PIGN: variants seen among roughly 807,000 people sequenced by gnomAD.
PIGN encodes the protein GPI ethanolamine phosphate transferase 1.
A neutral mutation model predicts 125.4 loss-of-function variants in PIGN; 117 were observed. The observed-to-expected ratio is 0.93, with a 90% CI of 0.80 to 1.09. The LOEUF is 1.09. PIGN is among the 50% of genes least tolerant of loss of function. The pLI is 0.00. For missense variants in PIGN, 1,075 were observed against 1,094.9 expected, an observed-to-expected ratio of 0.98 and a Z score of 0.26; for synonymous variants, 392 against 377.8, an observed-to-expected ratio of 1.04 and a Z score of -0.44.
intron 1 of PIGN, among the ~76,000 whole-genome samples, chr18:62,177,150 G>A (rs947418402): frequency 6.6e-6 from 1 of 152,066 alleles, no homozygotes; most frequent in Non-Finnish European, 1.5e-5. Flanking sequence ...ATATTAAAAA[G>A]CTTATGAATT....
chr18:62,033,447 G>C (rs576150682), intron 23 of PIGN, among the ~76,000 whole-genome samples: 313 of 152,284 alleles, frequency 2.1e-3, no homozygotes, highest in African/African-American at 7.2e-3. Context: ...TTTGATAAAC[G>C]TGACTGATAG....
intron 14 of PIGN, among the ~76,000 whole-genome samples, chr18:62,129,023 T>C (rs981811569): frequency 2.0e-5 from 3 of 152,120 alleles, no homozygotes; most frequent in Non-Finnish European, 2.9e-5. Context: ...TGGAAAGCAC[T>C]TTCTATTAGC....
At chr18:62,133,865 A>T (rs968658326) in intron 14 of PIGN, among the ~76,000 whole-genome samples, 33 of 152,244 alleles carry the variant, frequency 2.2e-4, no homozygotes, top group African/African-American at 7.9e-4. Context: ...GGGCATAATA[A>T]CTCTTTTTCA....
intron 1 of PIGN, among the ~76,000 whole-genome samples, chr18:62,165,856 A>C (rs1211924251): frequency 1.3e-5 from 2 of 152,198 alleles, no homozygotes; most frequent in Admixed American, 1.3e-4. Flanking sequence ...GAGAAGTTTA[A>C]ACAGTCGTGT....
At chr18:62,040,430 C>G (rs1388081593), downstream of PIGN, among the ~76,000 whole-genome samples, 1 of 152,152 alleles carries the variant, frequency 6.6e-6, no homozygotes, top group East Asian at 1.9e-4. Flanking sequence ...GGGTATTTTG[C>G]CAAATGTTCC....
Position 62,090,540 on chromosome 18 carries a change from A to T in PIGN, c.2219T>A (p.Met740Lys). The T allele has an allele frequency of 6.2e-7, 1 of 1,611,368 alleles. No individual in the cohort carries two copies. The highest frequency in any genetic ancestry group is 2.2e-5 in the East Asian group (1 of 44,648). Reference sequence around the variant, plus strand: ...TTGTTCTATGTTTATCCAGACAAACATCAAACAAGACAACACTAGTGGAAA... The same window carrying T: ...TTGTTCTATGTTTATCCAGACAAACTTCAAACAAGACAACACTAGTGGAAA... ...ALFPLVLSCL[M>K]FVWINIEQET... Residue 740 changes from methionine (M) to lysine (K), a missense_variant, in exon 24 of 31, where the codon ATG becomes AAG. Around this residue, in one of 3 missense-constraint regions of PIGN, gnomAD observed 915 missense variants for 908.7 expected, o/e 1.01. Transcript: ENST00000640252.
chr18:62,034,891 T>G (rs780641173), intron 23 of PIGN, among the ~76,000 whole-genome samples: 1 of 152,086 alleles, frequency 6.6e-6, no homozygotes, highest in Non-Finnish European at 1.5e-5. Context: ...GGTTTTGAAA[T>G]GTGAGGACAT....
At chr18:62,072,398 C>A in intron 30 of PIGN, 1 of 251,848 alleles carries the variant, frequency 4.0e-6, no homozygotes, top group East Asian at 7.3e-5. Flanking sequence ...AAATCTTTTA[C>A]ACTGAATTTT....
chr18:62,170,535 C>T (rs752050067), intron 1 of PIGN, among the ~76,000 whole-genome samples: 2 of 152,156 alleles, frequency 1.3e-5, no homozygotes, highest in African/African-American at 2.4e-5. Flanking sequence ...TGTGTTCTGA[C>T]GGTTCCACCA....
chr18:62,070,822 G>T (rs755609600), intron 30 of PIGN, among the ~76,000 whole-genome samples: 29 of 150,676 alleles, frequency 1.9e-4, no homozygotes, highest in Non-Finnish European at 3.2e-4. Flanking sequence ...ATTTTTTTTT[G>T]ATATGGGATA....
At chr18:62,025,750 A>T (rs981628340) in intron 23 of PIGN, among the ~76,000 whole-genome samples, 1 of 152,120 alleles carries the variant, frequency 6.6e-6, no homozygotes, top group African/African-American at 2.4e-5. Context: ...AAGTACCCAT[A>T]TTCACTCAGT....
intron 22 of PIGN, among the ~76,000 whole-genome samples, chr18:62,099,547 A>C (rs2034354070): frequency 6.6e-6 from 1 of 152,120 alleles, no homozygotes; most frequent in Middle Eastern, 3.2e-3. Flanking sequence ...GTCAGGCTGA[A>C]GGCATGATTT....
In PIGN at chr18:62,161,133, C is replaced by G; in HGVS notation, c.221G>C (p.Arg74Thr). Reference protein sequence around the residue: ...ENGNSRAPFIRNIIMHEGSWG... With the variant: ...ENGNSRAPFITNIIMHEGSWG... ...TCTCTGTATCAGTTTACATGCTTAC[C>G]TAATAAACGGTGCTCTAGAGTTTCC... Residue 74 changes from arginine to threonine, a missense_variant and splice_region_variant, in exon 4 of 31, where the codon AGG becomes ACG. Around this residue, in one of 3 missense-constraint regions of PIGN, gnomAD observed 152 missense variants for 162.9 expected, o/e 0.93. Transcript: ENST00000640252. 1 of 1,592,736 alleles carries G rather than the reference C, an allele frequency of 6.3e-7. No individual in the cohort carries two copies.
At position 62,045,946 on chromosome 18, in the gene PIGN, G is replaced by A; in HGVS notation, c.2706C>T (p.Thr902=). ...ISHYVIVMSM[T]IFLVFLNGLA... ...GGCCATTGAGGAACACCAAAAAGAT[G>A]GTCATGGACATGACAATCACATAGT... is the stretch of plus-strand genomic sequence containing the variant. Residue 902 remains threonine, a synonymous_variant, in exon 31 of 31, where the codon ACC becomes ACT. Coordinates refer to ENST00000640252, the MANE Select transcript of PIGN (RefSeq NM_176787.5). 1.2e-6 allele frequency: 2 copies of A among 1,612,816 alleles called. No homozygotes were observed. Among genetic ancestry groups the A allele is most frequent in the Non-Finnish European group, 1.7e-6 (2 of 1,179,130 alleles).
intron 23 of PIGN, among the ~76,000 whole-genome samples, chr18:62,019,639 G>C (rs575502540): frequency 2.0e-4 from 31 of 152,304 alleles, no homozygotes; most frequent in African/African-American, 7.2e-4. Flanking sequence ...ACTTCTCCAT[G>C]GCTTTTCATT....
At chr18:62,030,904 C>T (rs1044867558) in intron 23 of PIGN, among the ~76,000 whole-genome samples, 5 of 152,046 alleles carry the variant, frequency 3.3e-5, no homozygotes, top group Admixed American at 6.6e-5. Flanking sequence ...CCCAGCTACT[C>T]GAGGCTGAGG....
intron 28 of PIGN, among the ~76,000 whole-genome samples, chr18:62,082,045 C>T (rs2033473613): frequency 6.6e-6 from 1 of 152,040 alleles, no homozygotes; most frequent in African/African-American, 2.4e-5. Flanking sequence ...AAGTATTTTA[C>T]AGAGTCCCTG....
intron 1 of PIGN, among the ~76,000 whole-genome samples, chr18:62,183,761 G>A (rs1159262232): frequency 6.6e-6 from 1 of 151,684 alleles, no homozygotes; most frequent in African/African-American, 2.4e-5. Flanking sequence ...AAGGGTAAAT[G>A]CAATATGCAC....
At chr18:62,075,526 T>C (rs553742330) in intron 28 of PIGN, 1 of 152,374 alleles carries the variant, frequency 6.6e-6, no homozygotes, top group East Asian at 1.9e-4. Flanking sequence ...ATGGGTCATT[T>C]ACTTTTATGG....
Sources: allele counts gnomAD v4.1 joint callset (sites outside exome capture counted in the v4.1 genomes callset), GRCh38; gene constraint gnomAD v4.1.1; regional missense constraint gnomAD v4.1.1; transcripts MANE v1.5; gene names NCBI Gene and HGNC (gene_info 2026-07-23, HGNC 2026-07-21).